Variants in ELOVL5 observed in about 807,000 individuals in gnomAD.
ELOVL5 encodes very long chain fatty acid elongase 5.
A neutral mutation model predicts 38.6 loss-of-function variants in ELOVL5; 8 were observed. The observed-to-expected ratio is 0.21, with a 90% confidence interval of 0.12 to 0.37. ELOVL5 has a LOEUF of 0.37. ELOVL5 is among the 10% of genes least tolerant of loss of function. The pLI is 1.00. For missense variants in ELOVL5, 280 were observed against 367.8 expected (o/e 0.76, Z 1.95); for synonymous variants, 127 against 133.7 (o/e 0.95, Z 0.34).
At chr6:53,308,836 A>G (rs1767706647) in intron 1 of ELOVL5, among the ~76,000 whole-genome samples, 1 of 131,710 alleles carries the variant, frequency 7.6e-6, no homozygotes, top group Non-Finnish European at 1.5e-5. Context: ...ATTCTGCAGC[A>G]ATTCCCTGTT....
At chr6:53,337,955 A>G (rs567464445) in intron 1 of ELOVL5, among the ~76,000 whole-genome samples, 3 of 152,348 alleles carry the variant, frequency 2.0e-5, no homozygotes, top group Admixed American at 2.0e-4. Context: ...TTCCAGCTTA[A>G]TGGCTTGGGC....
intron 1 of ELOVL5, among the ~76,000 whole-genome samples, chr6:53,317,372 T>G (rs549501201): frequency 1.3e-5 from 2 of 152,188 alleles, no homozygotes; most frequent in South Asian, 2.1e-4. Context: ...CTATTCACGA[T>G]AGCAAAGACC....
intron 1 of ELOVL5, among the ~76,000 whole-genome samples, chr6:53,346,385 C>T (rs767883704): frequency 3.9e-5 from 6 of 152,118 alleles, no homozygotes; most frequent in Non-Finnish European, 7.3e-5. Flanking sequence ...GTGCATGTGT[C>T]TTCATAGTGC....
chr6:53,297,955 G>T (rs1767081212), intron 1 of ELOVL5, among the ~76,000 whole-genome samples: 1 of 152,186 alleles, frequency 6.6e-6, no homozygotes, highest in African/African-American at 2.4e-5. Flanking sequence ...TTAAAACACA[G>T]TTAAATAAGA....
intron 1 of ELOVL5, among the ~76,000 whole-genome samples, chr6:53,340,920 C>A (rs2127594820): frequency 6.6e-6 from 1 of 152,300 alleles, no homozygotes; most frequent in South Asian, 2.1e-4. Flanking sequence ...GTCTTTCCCT[C>A]CCGTCTGCAT....
intron 1 of ELOVL5, among the ~76,000 whole-genome samples, chr6:53,317,970 CCTTA>C (rs1459662004): frequency 6.6e-6 from 1 of 152,096 alleles, no homozygotes. Context: ...CTCACTCTAT[CCTTA>C]CTATGTGCCA....
intron 1 of ELOVL5, among the ~76,000 whole-genome samples, chr6:53,346,258 G>A (rs1769536888): frequency 6.6e-6 from 1 of 152,152 alleles, no homozygotes; most frequent in Non-Finnish European, 1.5e-5. Flanking sequence ...TTTTATGGCT[G>A]CATAGTATTC....
intron 1 of ELOVL5, among the ~76,000 whole-genome samples, chr6:53,297,362 C>T (rs1040770442): frequency 3.9e-5 from 6 of 152,144 alleles, no homozygotes; most frequent in East Asian, 1.9e-4. Context: ...TCTGAAAATA[C>T]GAGGTGGGAA....
intron 1 of ELOVL5, among the ~76,000 whole-genome samples, chr6:53,328,665 A>G (rs1311457170): frequency 6.6e-6 from 1 of 152,248 alleles, no homozygotes; most frequent in Non-Finnish European, 1.5e-5. Flanking sequence ...AGAGACAGGA[A>G]CAAAAAAGAA....
intron 3 of ELOVL5, among the ~76,000 whole-genome samples, chr6:53,284,320 A>AAAAC (rs1766483139): frequency 6.6e-6 from 1 of 151,476 alleles, no homozygotes. Flanking sequence ...TTTTTAAAAA[A>AAAAC]AAAGGTAGAA....
chr6:53,322,765 C>T (rs1415093512), intron 1 of ELOVL5, among the ~76,000 whole-genome samples: 1 of 152,190 alleles, frequency 6.6e-6, no homozygotes, highest in Non-Finnish European at 1.5e-5. Context: ...ATAAGCTATC[C>T]AAGGTTTAAC....
chr6:53,336,380 C>T (rs1401004305), intron 1 of ELOVL5, among the ~76,000 whole-genome samples: 1 of 152,182 alleles, frequency 6.6e-6, no homozygotes, highest in African/African-American at 2.4e-5. Context: ...GAGGGCCAGG[C>T]CAGGCACAAT....
chr6:53,286,983 T>G (rs1318801454), intron 3 of ELOVL5, among the ~76,000 whole-genome samples: 1 of 152,166 alleles, frequency 6.6e-6, no homozygotes, highest in Non-Finnish European at 1.5e-5. Context: ...CAAACAAAAA[T>G]CAAGCATTTG....
At chr6:53,287,780 CCTT>C (rs142340006) in intron 3 of ELOVL5, 2 of 1,278,718 alleles carry the variant, frequency 1.6e-6, no homozygotes, top group East Asian at 2.5e-5. Context: ...CGGAGTGCCT[CCTT>C]CTGAGGAAAG....
intron 1 of ELOVL5, among the ~76,000 whole-genome samples, chr6:53,298,367 G>A (rs1007664963): frequency 9.3e-5 from 14 of 151,088 alleles, no homozygotes; most frequent in African/African-American, 3.4e-4. Context: ...ATTACCTAAT[G>A]GGTAATATTA....
chr6:53,274,381 G>A (rs975539480), intron 5 of ELOVL5, among the ~76,000 whole-genome samples: 6 of 151,850 alleles, frequency 4.0e-5, no homozygotes, highest in Non-Finnish European at 7.4e-5. Flanking sequence ...AGCAGGCTCA[G>A]GTAATCAAGG....
intron 1 of ELOVL5, among the ~76,000 whole-genome samples, chr6:53,310,217 T>C (rs999292558): frequency 9.9e-5 from 15 of 152,176 alleles, no homozygotes; most frequent in African/African-American, 3.6e-4. Flanking sequence ...ATCTAAAGTA[T>C]AGAATTTGGT....
rs1465690016 is a variant in ELOVL5 at position 53,305,355 on chromosome 6, G to C, written c.-8-9648C>G. Among the ~76,000 whole-genome samples the C allele has an allele frequency of 2.2e-4, 27 of 121,846 alleles. 1 individual carries two copies. The South Asian group carries it at 4.0e-3, about 18-fold the overall frequency. 79.9% of individuals were successfully genotyped at this position (121,846 alleles called of 152,430 possible). A position where few individuals can be genotyped will look rare whatever the true frequency, so the allele number is the denominator to read the frequency against. ...TGACCCCCCCACCTCCCTCCCGGAC[G>C]GGGCGGCTGGCCTGGCGGGGGCTGA... On this transcript the variant is annotated intron_variant, in intron 1 of 7. Transcript: ENST00000304434.
intron 3 of ELOVL5, among the ~76,000 whole-genome samples, chr6:53,281,385 CG>C (rs1766346297): frequency 6.6e-6 from 1 of 152,074 alleles, no homozygotes. Context: ...GGTACAAGCT[CG>C]TATTTTTAAT....
Sources: gnomAD v4.1 joint callset for allele counts (sites outside exome capture counted in the v4.1 genomes callset) on GRCh38, gnomAD v4.1.1 for gene constraint, MANE v1.5 for transcripts, NCBI Gene and HGNC (gene_info 2026-07-23, HGNC 2026-07-21) for gene names.